TMEM130: variants seen among roughly 807,000 people sequenced by gnomAD.
TMEM130 encodes transmembrane protein 130.
Under a neutral mutation model 42.9 loss-of-function variants are expected in TMEM130, and 37 were observed. The observed-to-expected ratio is 0.86, with a 90% CI of 0.66 to 1.13. The LOEUF is 1.13. Ranked by LOEUF, TMEM130 falls within the 50% of genes most tolerant of loss-of-function variation. The pLI, the probability that TMEM130 is intolerant of heterozygous loss-of-function variation, is 0.00. For missense variants in TMEM130, 545 were observed against 562.6 expected (o/e 0.97, Z 0.32); for synonymous variants, 259 against 237.7 (o/e 1.09, Z -0.82).
chr7:98,865,247 G>A (rs1209089948), intron 1 of TMEM130, among the ~76,000 whole-genome samples: 3 of 152,226 alleles, frequency 2.0e-5, no homozygotes, highest in African/African-American at 7.2e-5. Context: ...ACCGTGTTGG[G>A]AGGATCCAGA....
In TMEM130 at chr7:98,857,697, C is replaced by A. The variant is rs535595649; in HGVS notation, c.552-1514G>T. 1.5e-3 allele frequency among the ~76,000 whole-genome samples: 109 copies of A among 71,802 alleles called. No homozygotes were observed. The East Asian group carries it at 0.05, about 33-fold the overall frequency. The allele number at this position is 71,802 out of a possible 152,430, so 47.1% of individuals were successfully genotyped here. The stretch of plus-strand genomic sequence containing the variant: ...CCTGGGCAACAGAGCGAGACCCTGT[C>A]TCAAAAACAGAAACAAAAACACATC... On this transcript the variant is annotated intron_variant, in intron 3 of 7. Coordinates refer to ENST00000339375, the MANE Select transcript of TMEM130 (RefSeq NM_152913.3).
rs1554397448 is a variant in TMEM130 at position 98,847,432 on chromosome 7, TC to T, written c.*623del. The T allele has an allele frequency of 6.6e-6, 1 of 152,064 alleles. No homozygotes were observed. The highest frequency in any genetic ancestry group is 2.4e-5 in the African/African-American group (1 of 41,358). 9.4% of individuals were successfully genotyped at this position (152,064 alleles called of 1,614,324 possible). On this transcript the variant is annotated 3_prime_UTR_variant, in exon 8 of 8. Transcript: ENST00000339375. ...CCTTTCAGCTCTAGTGCAGGGTGCATCCCAGCAACCGACTTAACCAGATACA... is the reference window on the plus strand; with the variant it reads ...CCTTTCAGCTCTAGTGCAGGGTGCATCCAGCAACCGACTTAACCAGATACA...
intron 5 of TMEM130, among the ~76,000 whole-genome samples, chr7:98,854,067 T>C (rs1283186564): frequency 6.6e-6 from 1 of 150,728 alleles, no homozygotes; most frequent in Non-Finnish European, 1.5e-5. Flanking sequence ...GGACAGAGTC[T>C]TGCTCTGTCG....
In TMEM130 at chr7:98,865,905, C is replaced by T. The variant is rs79480196; in HGVS notation, c.86-2505G>A. On this transcript the variant is annotated intron_variant, in intron 1 of 7. Transcript: ENST00000339375. ...TGGGGATGTGGGGACAGTAGATGCA[C>T]GACCGAGTGGGCACAAGGTCCCCCC... 7.4e-3 allele frequency: 1,224 copies of T among 166,440 alleles called. 9 individuals are homozygous for T. The highest frequency in any genetic ancestry group is 0.025 in the African/African-American group (1,050 of 41,682). The allele number at this position is 166,440 out of a possible 1,614,324, so 10.3% of individuals were successfully genotyped here. A position where few individuals can be genotyped will look rare whatever the true frequency, so the allele number is the denominator to read the frequency against.
At chr7:98,850,273 ATT>A (rs1554398023) in intron 6 of TMEM130, among the ~76,000 whole-genome samples, 3 of 35,474 alleles carry the variant, frequency 8.5e-5, no homozygotes, top group Non-Finnish European at 1.3e-4. Context: ...ATATATATAT[ATT>A]TTTTTTTTTT....
intron 2 of TMEM130, among the ~76,000 whole-genome samples, chr7:98,861,338 A>C (rs1166107201): frequency 2.6e-5 from 4 of 152,118 alleles, no homozygotes; most frequent in African/African-American, 9.7e-5. Context: ...ACTCCGTCTC[A>C]AAAAGAAAAA....
In TMEM130 at chr7:98,869,731, C is replaced by T. The variant is rs1554401081; in HGVS notation, c.85+46G>A. The T allele has an allele frequency of 2.3e-6, 3 of 1,309,642 alleles. No homozygotes were observed. Among genetic ancestry groups the T allele is most frequent in the South Asian group, 1.8e-5 (1 of 54,352 alleles). The allele number at this position is 1,309,642 out of a possible 1,614,324, so 81.1% of individuals were successfully genotyped here. ...CGCCCGCTGAGACGGTTCCAGGCCC[C>T]GGGCGGGCTGCGGCTGCAGGGAGGC... is the stretch of plus-strand genomic sequence containing the variant. On this transcript the variant is annotated intron_variant, in intron 1 of 7. Transcript: ENST00000339375. The surrounding 1 kb of genome is among the most constrained non-coding windows in gnomAD (Gnocchi z 4.7).
rs531933138 is a variant in TMEM130 at position 98,869,206 on chromosome 7, C to G, written c.85+571G>C. 71 of 1,288,910 alleles carry G rather than the reference C, an allele frequency of 5.5e-5. No homozygotes were observed. The highest frequency in any genetic ancestry group is 7.1e-5 in the Non-Finnish European group (70 of 988,728). The allele number at this position is 1,288,910 out of a possible 1,614,324, so 79.8% of individuals were successfully genotyped here. Reference sequence around the variant, plus strand: ...CCACTCCCCCACCCACACACACACCCCAGGAACCTGTCAGCTCCGGGTCCA... The same window carrying G: ...CCACTCCCCCACCCACACACACACCGCAGGAACCTGTCAGCTCCGGGTCCA... On this transcript the variant is annotated intron_variant, in intron 1 of 7. Coordinates refer to ENST00000339375, the MANE Select transcript of TMEM130 (RefSeq NM_152913.3). The surrounding 1 kb of genome is among the most constrained non-coding windows in gnomAD (Gnocchi z 4.7).
intron 3 of TMEM130, among the ~76,000 whole-genome samples, chr7:98,856,919 A>C (rs1268900692): frequency 6.9e-6 from 1 of 144,144 alleles, no homozygotes; most frequent in Non-Finnish European, 1.5e-5. Context: ...TTTTTTTTTT[A>C]TTTTTTATTT....
At chr7:98,861,033 G>C (rs2116113235) in intron 2 of TMEM130, among the ~76,000 whole-genome samples, 1 of 149,286 alleles carries the variant, frequency 6.7e-6, no homozygotes, top group African/African-American at 2.5e-5. Flanking sequence ...GGTGACCCTA[G>C]AAAAATTAGC....
chr7:98,852,589 T>G (rs1051038863), intron 5 of TMEM130, among the ~76,000 whole-genome samples: 5 of 151,474 alleles, frequency 3.3e-5, no homozygotes, highest in African/African-American at 9.7e-5. Flanking sequence ...TTGTTTGTTT[T>G]GTTTTTGTTT....
intron 5 of TMEM130, among the ~76,000 whole-genome samples, chr7:98,855,030 C>G (rs150247347): frequency 2.0e-5 from 3 of 152,178 alleles, no homozygotes; most frequent in African/African-American, 7.2e-5. Flanking sequence ...AGCGAGACTC[C>G]GTCTCAAATA....
rs1554401021 is a variant in TMEM130 at position 98,869,231 on chromosome 7, A to T, written c.85+546T>A. Reference sequence around the variant, plus strand: ...CCAGGAACCTGTCAGCTCCGGGTCCATTTTGGAAATCACCACCAGAGAGGA... The same window carrying T: ...CCAGGAACCTGTCAGCTCCGGGTCCTTTTTGGAAATCACCACCAGAGAGGA... On this transcript the variant is annotated intron_variant, in intron 1 of 7. Coordinates refer to ENST00000339375, the MANE Select transcript of TMEM130 (RefSeq NM_152913.3). This position sits in a 1 kb window ranked among gnomAD's most constrained non-coding sequence, Gnocchi z 4.7. 2 of 1,288,800 alleles carry T rather than the reference A, an allele frequency of 1.6e-6. No individual in the cohort carries two copies. The highest frequency in any genetic ancestry group is 2.0e-6 in the Non-Finnish European group (2 of 988,664). 79.8% of individuals were successfully genotyped at this position (1,288,800 alleles called of 1,614,324 possible).
chr7:98,862,300 G>C (rs80270670), intron 2 of TMEM130, among the ~76,000 whole-genome samples: 1 of 42,478 alleles, frequency 2.4e-5, no homozygotes, highest in Non-Finnish European at 8.9e-5. Context: ...GAGACAGAAA[G>C]AGACAAAGAG....
Position 98,848,053 on chromosome 7 carries a change from T to C in TMEM130, c.*3A>G. 1.2e-6 allele frequency: 2 copies of C among 1,608,956 alleles called. No homozygotes were observed. The highest frequency in any genetic ancestry group is 1.7e-6 in the Non-Finnish European group (2 of 1,177,444). On this transcript the variant is annotated 3_prime_UTR_variant, in exon 8 of 8. Coordinates refer to ENST00000339375, the MANE Select transcript of TMEM130 (RefSeq NM_152913.3). Reference sequence around the variant, plus strand: ...ACTGAGATGGGGTGGGGAGGGGGAGTGCTCACACGGTGTAAGTTTTGACAG... The same window carrying C: ...ACTGAGATGGGGTGGGGAGGGGGAGCGCTCACACGGTGTAAGTTTTGACAG...
chr7:98,851,587 C>G lies in TMEM130; in HGVS notation c.840G>C (p.Glu280Asp). 4 of 1,613,806 alleles carry G rather than the reference C, an allele frequency of 2.5e-6. No individual in the cohort carries two copies. The highest frequency in any genetic ancestry group is 3.4e-6 in the Non-Finnish European group (4 of 1,179,852). The part of the protein sequence containing the change: ...PLTVCWRLKP[E>D]CLPLEEGECH... ...ACTCCCCTTCCTCCAGCGGGAGGCA[C>G]TCAGGCTTGAGACGCCAGCACACAG... The change falls in exon 6 of 8, where the codon GAG (glutamate) becomes GAC (aspartate). Residue 280 changes from glutamate to aspartate, a missense_variant. By Grantham distance (45) the Glu-to-Asp change is conservative. Transcript: ENST00000339375.
intron 1 of TMEM130, chr7:98,866,160 A>C (rs1794901421): frequency 6.6e-6 from 1 of 152,106 alleles, no homozygotes; most frequent in African/African-American, 2.4e-5. Flanking sequence ...AACAATACAA[A>C]ATTAGCCGGG....
chr7:98,867,737 C>T (rs1554400811), intron 1 of TMEM130, among the ~76,000 whole-genome samples: 5 of 152,182 alleles, frequency 3.3e-5, no homozygotes, highest in African/African-American at 1.2e-4. Flanking sequence ...TCCCCCACCA[C>T]CACCTGCCAG....
chr7:98,850,846 A>G (rs1794483220), intron 6 of TMEM130, among the ~76,000 whole-genome samples: 1 of 152,182 alleles, frequency 6.6e-6, no homozygotes, highest in Admixed American at 6.5e-5. Context: ...GGGAGGGAAC[A>G]CTGCAATCAT....
Sources: gnomAD v4.1 joint callset for allele counts (sites outside exome capture counted in the v4.1 genomes callset) on GRCh38, gnomAD v4.1.1 for gene constraint, Gnocchi (gnomAD v3.1) non-coding constraint, MANE v1.5 for transcripts, NCBI Gene and HGNC (gene_info 2026-07-23, HGNC 2026-07-21) for gene names.